The following PLOD2 variants were observed in gnomAD, a reference collection of about 807,000 sequenced individuals.
The protein encoded by PLOD2 is lysine hydroxylase 2.
Under a neutral mutation model 101.0 loss-of-function variants are expected in PLOD2, and 65 were observed. That is an observed-to-expected ratio of 0.64 (90% CI 0.53 to 0.79). The LOEUF (loss-of-function observed/expected upper bound fraction) is 0.79. PLOD2 is among the 30% of genes least tolerant of loss of function. The pLI, the probability that PLOD2 is intolerant of heterozygous loss-of-function variation, is 0.00. For synonymous variants in PLOD2, 314 were observed against 302.9 expected (o/e 1.04, Z -0.38); for missense variants, 909 against 914.6 (o/e 0.99, Z 0.08).
At position 146,070,789 on chromosome 3, in the gene PLOD2, G is replaced by A. The variant is rs1211232415; in HGVS notation, c.2205C>T (p.Leu735=). 1 of 1,608,456 alleles carries A rather than the reference G, an allele frequency of 6.2e-7. No individual in the cohort carries two copies. The highest frequency in any genetic ancestry group is 1.7e-5 in the Admixed American group (1 of 59,724). ...CAGGAAGTCCTTCATGCAAATGTGT[G>A]AGTCTCCCAGGATGCATGAAGCTCC... ...KGWSFMHPGR[L]THLHEGLPVK... is the part of the protein sequence containing the mutation. Residue 735 remains leucine, a synonymous_variant, in exon 20 of 20, where the codon CTC becomes CTT. Transcript: ENST00000282903.
chr3:146,137,385 T>C (rs952684217), intron 1 of PLOD2, among the ~76,000 whole-genome samples: 1 of 152,192 alleles, frequency 6.6e-6, no homozygotes, highest in Non-Finnish European at 1.5e-5. Context: ...TAGCTGGGAC[T>C]ACAGGTGCTC....
At chr3:146,157,577 T>G (rs2032361472) in intron 1 of PLOD2, among the ~76,000 whole-genome samples, 1 of 152,216 alleles carries the variant, frequency 6.6e-6, no homozygotes. Flanking sequence ...CCAAAGACAC[T>G]GTGCTTCCAT....
chr3:146,139,896 C>T lies in PLOD2; in HGVS notation c.110-15667G>A, dbSNP rs144464927. On this transcript the variant is annotated intron_variant, in intron 1 of 19. Transcript: ENST00000282903. Reference sequence around the variant, plus strand: ...GGTCTTTCCCTGCCTTCCTCCCTTTCTCTTTCCTCACCTCGTATACAGTCA... The same window carrying T: ...GGTCTTTCCCTGCCTTCCTCCCTTTTTCTTTCCTCACCTCGTATACAGTCA... Among the ~76,000 whole-genome samples, 1,065 of 152,206 alleles carry T rather than the reference C, an allele frequency of 7.0e-3. 14 individuals are homozygous for T. The highest frequency in any genetic ancestry group is 0.025 in the African/African-American group (1,022 of 41,550).
chr3:146,086,794 T>C lies in PLOD2; in HGVS notation c.1120A>G (p.Met374Val), dbSNP rs144365999. ...ENLSQAEARNMGMDFCRQDEK... is the reference protein window; with the variant it reads ...ENLSQAEARNVGMDFCRQDEK... The stretch of plus-strand genomic sequence containing the variant: ...TAATTTATTAAAACATACATTCCCA[T>C]GTTTCTGGCTTCCGCTTGACTTAGA... The change falls in exon 10 of 20, where the codon ATG (methionine) becomes GTG (valine). Residue 374 changes from methionine (M) to valine (V), a missense_variant. Met to Val is a conservative substitution (Grantham distance 21). Transcript: ENST00000282903. The C allele has an allele frequency of 1.8e-5, 26 of 1,467,238 alleles. No individual in the cohort carries two copies. The African/African-American group carries it at 3.1e-4, about 17-fold the overall frequency. 90.9% of individuals were successfully genotyped at this position (1,467,238 alleles called of 1,614,324 possible).
chr3:146,160,499 T>TTAGTA lies in PLOD2; in HGVS notation c.109+381_109+382insTACTA, dbSNP rs2032520543. 5.9e-5 allele frequency among the ~76,000 whole-genome samples: 9 copies of TTAGTA among 152,146 alleles called. No homozygotes were observed. The South Asian group carries it at 1.9e-3, about 32-fold the overall frequency. ...AAGTACACTAAGCCCCGTGTTTAGGTCACAGAAGGAGTACTGCCTCGTCCA... is the reference window on the plus strand; with the variant it reads ...AAGTACACTAAGCCCCGTGTTTAGGTTAGTACACAGAAGGAGTACTGCCTCGTCCA... On this transcript the variant is annotated intron_variant, in intron 1 of 19. Coordinates refer to ENST00000282903, the MANE Select transcript of PLOD2 (RefSeq NM_182943.3).
chr3:146,126,191 A>G (rs919619217), intron 1 of PLOD2, among the ~76,000 whole-genome samples: 1 of 152,196 alleles, frequency 6.6e-6, no homozygotes, highest in African/African-American at 2.4e-5. Context: ...AAGAACTCCT[A>G]CTGTTTCAGT....
At chr3:146,080,393 C>A (rs1321626880) in intron 12 of PLOD2, among the ~76,000 whole-genome samples, 1 of 151,956 alleles carries the variant, frequency 6.6e-6, no homozygotes, top group Non-Finnish European at 1.5e-5. Context: ...TATTTTCAAT[C>A]CACAGTAGAC....
chr3:146,118,692 CA>C (rs1189548211), intron 3 of PLOD2, among the ~76,000 whole-genome samples: 1 of 151,758 alleles, frequency 6.6e-6, no homozygotes, highest in Non-Finnish European at 1.5e-5. Context: ...AAGAAGATGG[CA>C]AAAAAGAGTG....
chr3:146,103,590 C>G (rs918043370), intron 6 of PLOD2, among the ~76,000 whole-genome samples: 2 of 151,832 alleles, frequency 1.3e-5, no homozygotes, highest in Non-Finnish European at 2.9e-5. Flanking sequence ...ATAGCTGGGA[C>G]TATAGGCACG....
At chr3:146,159,342 A>G (rs1156905518) in intron 1 of PLOD2, among the ~76,000 whole-genome samples, 8 of 152,208 alleles carry the variant, frequency 5.3e-5, no homozygotes, top group Admixed American at 4.6e-4. Context: ...CCAGAGTGAG[A>G]AGGGAATTTG....
intron 1 of PLOD2, among the ~76,000 whole-genome samples, chr3:146,151,461 C>T (rs192484806): frequency 6.6e-6 from 1 of 152,030 alleles, no homozygotes; most frequent in Admixed American, 6.5e-5. Context: ...CGCGCCATTG[C>T]ACTCCAGCCT....
At chr3:146,140,397 T>C (rs938846156) in intron 1 of PLOD2, among the ~76,000 whole-genome samples, 1 of 152,104 alleles carries the variant, frequency 6.6e-6, no homozygotes, top group Non-Finnish European at 1.5e-5. Context: ...CACTGTGACC[T>C]AGAAACGAGG....
intron 9 of PLOD2, among the ~76,000 whole-genome samples, chr3:146,087,172 TG>T (rs1936807515): frequency 1.3e-5 from 2 of 152,014 alleles, no homozygotes; most frequent in African/African-American, 4.8e-5. Flanking sequence ...GACAAGTCTT[TG>T]TATAAATACT....
At chr3:146,085,665 T>A (rs1225053355) in intron 10 of PLOD2, 2 of 216,256 alleles carry the variant, frequency 9.2e-6, no homozygotes, top group African/African-American at 2.3e-5. Flanking sequence ...ATATGACTTT[T>A]CAGGTATTAA....
In PLOD2 at chr3:146,081,727, A is replaced by C. The variant is rs1671661783; in HGVS notation, c.1358+11T>G. 1 of 1,598,948 alleles carries C rather than the reference A, an allele frequency of 6.3e-7. No individual in the cohort carries two copies. The highest frequency in any genetic ancestry group is 2.2e-5 in the East Asian group (1 of 44,640). ...GTATTTCACATTAAAATATTAAACC[A>C]AGTAACTTACACTCTATTCCCTTGA... On this transcript the variant is annotated intron_variant, in intron 12 of 19. Coordinates refer to ENST00000282903, the MANE Select transcript of PLOD2 (RefSeq NM_182943.3).
intron 17 of PLOD2, 80 bp downstream of exon 17, chr3:146,072,481 T>C (rs936847816): frequency 2.2e-6 from 2 of 897,660 alleles, no homozygotes; most frequent in East Asian, 5.0e-5. Context: ...TGAGAAAAAG[T>C]ATATAACCCC....
intron 7 of PLOD2, among the ~76,000 whole-genome samples, chr3:146,095,252 A>G (rs570525977): frequency 5.3e-5 from 8 of 152,180 alleles, no homozygotes; most frequent in African/African-American, 1.9e-4. Context: ...TCTGCTCTGC[A>G]AAAGAAACCA....
chr3:146,077,847 A>C lies in PLOD2; in HGVS notation c.1563+15T>G. 5 of 1,476,834 alleles carry C rather than the reference A, an allele frequency of 3.4e-6. No individual in the cohort carries two copies. The highest frequency in any genetic ancestry group is 4.7e-6 in the Non-Finnish European group (5 of 1,066,688). 91.5% of individuals were successfully genotyped at this position (1,476,834 alleles called of 1,614,324 possible). Reference sequence around the variant, plus strand: ...TTAAATAAACAAAAATAAATAAAATAAGTAAAAATAACACCTTTGGGGGGC... The same window carrying C: ...TTAAATAAACAAAAATAAATAAAATCAGTAAAAATAACACCTTTGGGGGGC... On this transcript the variant is annotated intron_variant, in intron 14 of 19. Transcript: ENST00000282903.
At chr3:146,074,661 C>CCAT (rs1287533123) in intron 15 of PLOD2, among the ~76,000 whole-genome samples, 2 of 150,764 alleles carry the variant, frequency 1.3e-5, no homozygotes, top group Non-Finnish European at 3.0e-5. Context: ...GAACTTTTAC[C>CCAT]TATAGCATTT....
Sources: gnomAD v4.1 joint callset for allele counts (sites outside exome capture counted in the v4.1 genomes callset) on GRCh38, gnomAD v4.1.1 for gene constraint, MANE v1.5 for transcripts, NCBI Gene and HGNC (gene_info 2026-07-23, HGNC 2026-07-21) for gene names.